The following ARCN1 variants were observed in gnomAD, a reference collection of about 807,000 sequenced individuals.
ARCN1 encodes coatomer subunit delta.
A neutral mutation model predicts 60.4 loss-of-function variants in ARCN1; 5 were observed. The ratio of observed to expected loss-of-function variants is 0.08; its 90% CI spans 0.04 to 0.17. The LOEUF (loss-of-function observed/expected upper bound fraction) is 0.17. Ranked by LOEUF, ARCN1 falls within the 10% of genes least tolerant of loss-of-function variation. The probability of loss-of-function intolerance (pLI) is 1.00; values close to 1 mark genes in which losing one functional copy is unlikely to be tolerated. For synonymous variants in ARCN1, 224 were observed against 220.0 expected, an observed-to-expected ratio of 1.02 and a Z score of -0.16; for missense variants, 464 against 626.5, an observed-to-expected ratio of 0.74 and a Z score of 2.77.
chr11:118,590,425 C>T lies in ARCN1; in HGVS notation c.903C>T (p.Ile301=), dbSNP rs375565238. The T allele has an allele frequency of 5.0e-6, 8 of 1,614,056 alleles. No homozygotes were observed. The African/African-American group carries it at 6.7e-5, about 13-fold the overall frequency. The change falls in exon 6 of 10, where the codon ATC becomes ATT. Residue 301 remains isoleucine, a synonymous_variant. Coordinates refer to ENST00000264028, the MANE Select transcript of ARCN1 (RefSeq NM_001655.5). ...GLQNMELHGM[I]MLRISDDKYG... ...AGAATATGGAGTTGCATGGCATGAT[C>T]ATGCTTAGGATCTCAGATGACAAGT... is the stretch of plus-strand genomic sequence containing the variant.
At chr11:118,572,815 T>G in intron 1 of ARCN1, 1 of 440,036 alleles carries the variant, frequency 2.3e-6, no homozygotes, top group Non-Finnish European at 4.1e-6. Context: ...GACCTGCCCC[T>G]GAGACGGCCC....
intron 5 of ARCN1, 30 bp downstream of exon 5, chr11:118,584,674 G>A: frequency 6.4e-7 from 1 of 1,560,030 alleles, no homozygotes. Context: ...AAGAATTCAA[G>A]CTTTGAATAC....
chr11:118,590,260 G>T (rs1938870680), intron 5 of ARCN1, 81 bp from the exon 6 acceptor site: 1 of 1,235,460 alleles, frequency 8.1e-7, no homozygotes, highest in Non-Finnish European at 1.1e-6. Context: ...CTCCCAAAGT[G>T]CTGGGGTTAT....
At chr11:118,582,596 G>A (rs1314508834) in intron 2 of ARCN1, among the ~76,000 whole-genome samples, 1 of 150,580 alleles carries the variant, frequency 6.6e-6, no homozygotes, top group Non-Finnish European at 1.5e-5. Context: ...GCATGGTGGC[G>A]GGCACCCATA....
chr11:118,577,625 A>G (rs1938550442), intron 1 of ARCN1, among the ~76,000 whole-genome samples: 1 of 152,160 alleles, frequency 6.6e-6, no homozygotes, highest in Admixed American at 6.6e-5. Flanking sequence ...CACGCACTTT[A>G]TCGGTTACTC....
intron 1 of ARCN1, among the ~76,000 whole-genome samples, chr11:118,581,028 C>G (rs538788844): frequency 5.3e-5 from 8 of 152,206 alleles, no homozygotes; most frequent in Admixed American, 5.2e-4. Flanking sequence ...CCCAGCCACT[C>G]AGGATTTCTT....
At chr11:118,586,200 A>G (rs750562935) in intron 5 of ARCN1, among the ~76,000 whole-genome samples, 33 of 152,086 alleles carry the variant, frequency 2.2e-4, no homozygotes, top group Non-Finnish European at 4.0e-4. Flanking sequence ...GGGTCAAGCA[A>G]TTCTCCTGCC....
intron 5 of ARCN1, among the ~76,000 whole-genome samples, chr11:118,587,846 G>A (rs1555075701): frequency 6.6e-6 from 1 of 152,112 alleles, no homozygotes. Flanking sequence ...CCCCCTCTGG[G>A]GTGTTCAATT....
At position 118,590,362 on chromosome 11, in the gene ARCN1, A is replaced by G; in HGVS notation, c.840A>G (p.Glu280=). Reference sequence around the variant, plus strand: ...ATAGTGTACATATGAAGATTGAAGAAAAGATAACATTAACCTGTGGACGAG... The same window carrying G: ...ATAGTGTACATATGAAGATTGAAGAGAAGATAACATTAACCTGTGGACGAG... ...NMESVHMKIE[E]KITLTCGRDG... The change falls in exon 6 of 10, where the codon GAA becomes GAG. Residue 280 remains glutamate (E), a synonymous_variant. Transcript: ENST00000264028. 1 of 1,613,832 alleles carries G rather than the reference A, an allele frequency of 6.2e-7. No homozygotes were observed. The highest frequency in any genetic ancestry group is 8.5e-7 in the Non-Finnish European group (1 of 1,179,760).
rs969904495 is a variant in ARCN1 at position 118,591,990 on chromosome 11, G to A, written c.985-719G>A. Among the ~76,000 whole-genome samples, 11 of 150,172 alleles carry A rather than the reference G, an allele frequency of 7.3e-5. No homozygotes were observed. In the East Asian group the frequency reaches 7.8e-4, roughly 11 times the overall value. On this transcript the variant is annotated intron_variant, in intron 6 of 9. Transcript: ENST00000264028. ...GGTTGGAGTGCAATGGTGTGATCTC[G>A]GCTCACCGCAACCTCTGCCTCCCGG... is the stretch of plus-strand genomic sequence containing the variant.
At chr11:118,597,308 C>A (rs1307573960) in intron 8 of ARCN1, among the ~76,000 whole-genome samples, 1 of 152,172 alleles carries the variant, frequency 6.6e-6, no homozygotes, top group Non-Finnish European at 1.5e-5. Context: ...TGCTTGTTTC[C>A]CCATTGTCTC....
In ARCN1 at chr11:118,602,709, A is replaced by G. The variant is rs147091191; in HGVS notation, c.*1995A>G. On this transcript the variant is annotated 3_prime_UTR_variant, in exon 10 of 10. Transcript: ENST00000264028. ...CTGTCATGTTAGTTAAGCAGGCAAG[A>G]AATCCTACTAATCCAGTTTTGTTTG... 2 of 153,916 alleles carry G rather than the reference A, an allele frequency of 1.3e-5. No homozygotes were observed. Among genetic ancestry groups the G allele is most frequent in the African/African-American group, 4.8e-5 (2 of 41,586 alleles). The allele number at this position is 153,916 out of a possible 1,614,324, so 9.5% of individuals were successfully genotyped here.
intron 1 of ARCN1, among the ~76,000 whole-genome samples, chr11:118,577,534 C>T (rs897324985): frequency 9.2e-5 from 14 of 152,102 alleles, no homozygotes; most frequent in African/African-American, 3.1e-4. Context: ...CATGAGCCAC[C>T]GCTCCCGGCC....
intron 9 of ARCN1, among the ~76,000 whole-genome samples, chr11:118,598,488 ATTTTTTT>A (rs1174732773): frequency 4.5e-5 from 5 of 111,132 alleles, no homozygotes; most frequent in Admixed American, 1.9e-4. Flanking sequence ...GTTCCTTCGG[ATTTTTTT>A]TTTTTTTTTT....
rs10671866 is a variant in ARCN1, at chr11:118,576,426, TAAAA to T, written c.3+3896_3+3899del. ...TCTGGAATGTTTTTTCCAAAAATGTTAAAAAAAAAAAAAAAAAAAAAAACCAAAA... is the reference window on the plus strand; with the variant it reads ...TCTGGAATGTTTTTTCCAAAAATGTTAAAAAAAAAAAAAAAAAAACCAAAA... On this transcript the variant is annotated intron_variant, in intron 1 of 9. Coordinates refer to ENST00000264028, the MANE Select transcript of ARCN1 (RefSeq NM_001655.5). 3.0e-3 allele frequency among the ~76,000 whole-genome samples: 331 copies of T among 108,772 alleles called. 2 individuals carry two copies. The highest frequency in any genetic ancestry group is 0.011 in the African/African-American group (319 of 28,836). 71.4% of individuals were successfully genotyped at this position (108,772 alleles called of 152,430 possible). A position where few individuals can be genotyped will look rare whatever the true frequency, so the allele number is the denominator to read the frequency against.
intron 2 of ARCN1, 48 bp from the exon 3 acceptor site, chr11:118,583,131 C>T (rs369939528): frequency 2.2e-4 from 355 of 1,583,848 alleles, no homozygotes; most frequent in Non-Finnish European, 2.8e-4. Context: ...GGAAATATAG[C>T]TGCTGATAAA....
chr11:118,573,882 T>C, intron 1 of ARCN1: 1 of 484,160 alleles, frequency 2.1e-6, no homozygotes, highest in Non-Finnish European at 3.7e-6. Context: ...GGAGGTTCTG[T>C]ATTTGGTTAG....
At chr11:118,576,445 A>C (rs1037205270) in intron 1 of ARCN1, among the ~76,000 whole-genome samples, 78 of 148,490 alleles carry the variant, frequency 5.3e-4, no homozygotes, top group African/African-American at 1.8e-3. Flanking sequence ...AAAAAAAAAA[A>C]AAAACCAAAA....
At chr11:118,572,734 A>C in intron 1 of ARCN1, 184 bp downstream of exon 1, 2 of 584,156 alleles carry the variant, frequency 3.4e-6, no homozygotes, top group Non-Finnish European at 5.8e-6. Context: ...GATGGAGCTG[A>C]CTCCAGTCCA....
Sources: gnomAD v4.1 joint callset for allele counts (sites outside exome capture counted in the v4.1 genomes callset) on GRCh38, gnomAD v4.1.1 for gene constraint, MANE v1.5 for transcripts, NCBI Gene and HGNC (gene_info 2026-07-23, HGNC 2026-07-21) for gene names.